Variants in LPAR3 observed in about 807,000 individuals in gnomAD.
LPAR3 encodes lysophosphatidic acid receptor 3, also known as LPA receptor 3.
In LPAR3, 7 loss-of-function variants were observed where a neutral mutation model predicts 17.8. That is an observed-to-expected ratio of 0.39 (90% CI 0.22 to 0.74). The LOEUF (loss-of-function observed/expected upper bound fraction) is 0.74. Ranked by LOEUF, LPAR3 falls within the 30% of genes least tolerant of loss-of-function variation. The pLI is 0.40. For missense variants in LPAR3, 391 were observed against 453.4 expected (o/e 0.86, Z 1.25); for synonymous variants, 179 against 179.9 (o/e 0.99, Z 0.04).
chr1:84,835,285 G>A (rs1659372227), intron 2 of LPAR3, among the ~76,000 whole-genome samples: 1 of 152,174 alleles, frequency 6.6e-6, no homozygotes, highest in South Asian at 2.1e-4. Flanking sequence ...TTTGATTAAC[G>A]TGCCTGCAAC....
intron 2 of LPAR3, among the ~76,000 whole-genome samples, chr1:84,824,332 G>A (rs917277289): frequency 6.6e-6 from 1 of 152,146 alleles, no homozygotes; most frequent in African/African-American, 2.4e-5. Context: ...TCCTGACACA[G>A]GATACCACTT....
rs1280503263 is a variant in LPAR3 at position 84,864,115 on chromosome 1, G to T, written c.736+1270C>A. Among the ~76,000 whole-genome samples the T allele has an allele frequency of 2.6e-5, 4 of 152,142 alleles. No individual in the cohort carries two copies. The Middle Eastern group carries it at 0.01, about 388-fold the overall frequency. On this transcript the variant is annotated intron_variant, in intron 2 of 2. Transcript: ENST00000370611. The stretch of plus-strand genomic sequence containing the variant: ...TAATCCCAGCTACTTGGGAGGCTGA[G>T]GTAGAAGGATCACTTGAGGCCAGGA...
chr1:84,848,985 A>G (rs1313355163), intron 2 of LPAR3, among the ~76,000 whole-genome samples: 2 of 152,192 alleles, frequency 1.3e-5, no homozygotes, highest in African/African-American at 4.8e-5. Context: ...TCAATAGAAC[A>G]TCAGGCCTAA....
chr1:84,820,927 G>A (rs934086846), intron 2 of LPAR3, among the ~76,000 whole-genome samples: 4 of 151,870 alleles, frequency 2.6e-5, no homozygotes, highest in East Asian at 1.9e-4. Context: ...TGCAACCAGC[G>A]ATTTTTTAAA....
At chr1:84,834,568 A>AT (rs111431783) in intron 2 of LPAR3, among the ~76,000 whole-genome samples, 11,418 of 152,210 alleles carry the variant, frequency 0.075, 601 homozygotes, top group East Asian at 0.17. Context: ...AAGCAAATGT[A>AT]TTTCATGGGG....
intron 2 of LPAR3, among the ~76,000 whole-genome samples, chr1:84,845,384 C>A (rs1343314944): frequency 1.3e-5 from 2 of 152,132 alleles, no homozygotes; most frequent in East Asian, 1.9e-4. Context: ...AAACGAATTT[C>A]TTTCTTGGAA....
chr1:84,866,514 G>A (rs1660054156), intron 1 of LPAR3, among the ~76,000 whole-genome samples: 1 of 152,182 alleles, frequency 6.6e-6, no homozygotes, highest in Admixed American at 6.5e-5. Flanking sequence ...GGGCAAATGT[G>A]CTGAGCCCTG....
At chr1:84,831,919 T>C (rs1659291418) in intron 2 of LPAR3, among the ~76,000 whole-genome samples, 2 of 151,562 alleles carry the variant, frequency 1.3e-5, no homozygotes, top group East Asian at 3.9e-4. Context: ...ACACATACTT[T>C]AAAGATACAG....
chr1:84,865,600 G>C lies in LPAR3; in HGVS notation c.521C>G (p.Ser174Cys), dbSNP rs745349747. The change falls in exon 2 of 3, where the codon TCT (serine) becomes TGT (cysteine). Residue 174 changes from serine to cysteine, a missense_variant. Physicochemically the swap from Ser to Cys is moderately radical, Grantham distance 112. Coordinates refer to ENST00000370611, the MANE Select transcript of LPAR3 (RefSeq NM_012152.3). ...TLGWNCLCNISACSSLAPIYS... is the reference protein window; with the variant it reads ...TLGWNCLCNICACSSLAPIYS... ...AATGGGGGCCAGGGAAGAGCAGGCA[G>C]AGATGTTGCAGAGGCAATTCCAGCC... 14 of 1,614,112 alleles carry C rather than the reference G, an allele frequency of 8.7e-6. No homozygotes were observed. Among genetic ancestry groups the C allele is most frequent in the Non-Finnish European group, 1.1e-5 (13 of 1,180,046 alleles).
chr1:84,892,333 C>G lies in LPAR3; in HGVS notation c.-19+683G>C, dbSNP rs551921397. On this transcript the variant is annotated intron_variant, in intron 1 of 2. Transcript: ENST00000370611. ...ATAAGACTAAATTGTTTCCAATATT[C>G]ACAGTCACTCCTCAAATTACATGCG... Among the ~76,000 whole-genome samples, 491 of 152,228 alleles carry G rather than the reference C, an allele frequency of 3.2e-3. 3 individuals carry two copies. The highest frequency in any genetic ancestry group is 0.017 in the Middle Eastern group (5 of 294).
chr1:84,828,609 C>T (rs551815996), intron 2 of LPAR3, among the ~76,000 whole-genome samples: 14 of 152,232 alleles, frequency 9.2e-5, no homozygotes, highest in African/African-American at 1.9e-4. Context: ...GCCAGAGGTG[C>T]GAGCATGGAC....
At chr1:84,818,033 T>C (rs1248157129) in intron 2 of LPAR3, among the ~76,000 whole-genome samples, 2 of 152,210 alleles carry the variant, frequency 1.3e-5, no homozygotes, top group Non-Finnish European at 2.9e-5. Context: ...GTTCCAATCC[T>C]GGCTCTTCCA....
intron 2 of LPAR3, among the ~76,000 whole-genome samples, chr1:84,817,596 T>C (rs1010047430): frequency 2.0e-5 from 3 of 152,194 alleles, no homozygotes; most frequent in African/African-American, 7.2e-5. Context: ...GTACCTGTTC[T>C]CTAGTTTAGC....
chr1:84,871,384 G>A (rs1402448837), intron 1 of LPAR3, among the ~76,000 whole-genome samples: 1 of 152,196 alleles, frequency 6.6e-6, no homozygotes, highest in African/African-American at 2.4e-5. Context: ...TGAGAATTAA[G>A]ACATTTGAAA....
intron 2 of LPAR3, among the ~76,000 whole-genome samples, chr1:84,857,973 G>A (rs1659860047): frequency 6.6e-6 from 1 of 152,134 alleles, no homozygotes; most frequent in South Asian, 2.1e-4. Flanking sequence ...ACGGGTGTGT[G>A]GGCAAGAGGC....
At chr1:84,841,194 G>A (rs554425715) in intron 2 of LPAR3, among the ~76,000 whole-genome samples, 66 of 152,218 alleles carry the variant, frequency 4.3e-4, no homozygotes, top group African/African-American at 1.5e-3. Flanking sequence ...ATGAATTCCC[G>A]AAACTCCATT....
chr1:84,836,349 A>AAC (rs1570870510), intron 2 of LPAR3, among the ~76,000 whole-genome samples: 4 of 151,280 alleles, frequency 2.6e-5, no homozygotes, highest in African/African-American at 2.4e-5. Flanking sequence ...AAAAAAAAAA[A>AAC]AAAAAAAACC....
At chr1:84,892,121 G>A (rs1457920004) in intron 1 of LPAR3, among the ~76,000 whole-genome samples, 1 of 151,974 alleles carries the variant, frequency 6.6e-6, no homozygotes, top group Non-Finnish European at 1.5e-5. Flanking sequence ...GCTGAGGCAG[G>A]AGAATCGCTC....
At position 84,866,137 on chromosome 1, in the gene LPAR3, T is replaced by A; in HGVS notation, c.-17A>T. ...CTCATTCATTGTGGAGAAGTGAACA[T>A]CCTAGAAAGAAATTTAAAGAAGAAA... On this transcript the variant is annotated splice_region_variant and 5_prime_UTR_variant, in exon 2 of 3. It removes an upstream start codon present in the reference 5' UTR. Transcript: ENST00000370611. 6.8e-7 allele frequency: 1 copy of A among 1,461,494 alleles called. No homozygotes were observed. Among genetic ancestry groups the A allele is most frequent in the South Asian group, 1.3e-5 (1 of 78,502 alleles). 90.5% of individuals were successfully genotyped at this position (1,461,494 alleles called of 1,614,324 possible).
Sources: allele counts gnomAD v4.1 joint callset (sites outside exome capture counted in the v4.1 genomes callset), GRCh38; gene constraint gnomAD v4.1.1; transcripts MANE v1.5; gene names NCBI Gene and HGNC (gene_info 2026-07-23, HGNC 2026-07-21).